The following R3HDM2 variants were observed in gnomAD, a reference collection of about 807,000 sequenced individuals.
R3HDM2 encodes R3H domain-containing protein 2.
Under a neutral mutation model 124.5 loss-of-function variants are expected in R3HDM2, and 38 were observed. That is an observed-to-expected ratio of 0.31 (90% CI 0.24 to 0.40). The LOEUF (loss-of-function observed/expected upper bound fraction) is 0.40. Among genes scored for constraint, R3HDM2 ranks in the 10% least tolerant of loss-of-function variants. The pLI is 1.00. For synonymous variants in R3HDM2, 391 were observed against 448.0 expected, an observed-to-expected ratio of 0.87 and a Z score of 1.61; for missense variants, 869 against 1,236.9, an observed-to-expected ratio of 0.70 and a Z score of 4.46.
At chr12:57,255,323 C>G (rs1212228720) in intron 23 of R3HDM2, among the ~76,000 whole-genome samples, 2 of 152,210 alleles carry the variant, frequency 1.3e-5, no homozygotes, top group Non-Finnish European at 1.5e-5. Flanking sequence ...TTTCTATTCT[C>G]CTAGCCCAGA....
chr12:57,414,593 G>T (rs2069382542), intron 1 of R3HDM2, among the ~76,000 whole-genome samples: 1 of 151,098 alleles, frequency 6.6e-6, no homozygotes, highest in Non-Finnish European at 1.5e-5. Flanking sequence ...CACTTTGGGA[G>T]GCCGAGGCAG....
intron 2 of R3HDM2, among the ~76,000 whole-genome samples, chr12:57,395,010 C>A (rs1753247521): frequency 6.6e-6 from 1 of 151,666 alleles, no homozygotes; most frequent in Admixed American, 6.6e-5. Flanking sequence ...GAGTTCAAGA[C>A]CAGCCTGGCC....
intron 2 of R3HDM2, among the ~76,000 whole-genome samples, chr12:57,384,880 C>T (rs999638572): frequency 2.0e-5 from 3 of 151,950 alleles, no homozygotes; most frequent in Non-Finnish European, 4.4e-5. Flanking sequence ...CAGGCGTGGT[C>T]GCTCACACGT....
In R3HDM2 at chr12:57,280,362, G is replaced by A; in HGVS notation, c.1340C>T (p.Ser447Leu). 6.2e-7 allele frequency: 1 copy of A among 1,613,048 alleles called. No homozygotes were observed. The highest frequency in any genetic ancestry group is 8.5e-7 in the Non-Finnish European group (1 of 1,179,374). The change falls in exon 14 of 24, where the codon TCA becomes TTA. Residue 447 changes from serine to leucine, a missense_variant. By Grantham distance (145) the Ser-to-Leu change is moderately radical. This residue lies in a region of R3HDM2 where 602 missense variants were observed against 789.2 expected (regional missense o/e 0.76). Coordinates refer to ENST00000402412, the MANE Select transcript of R3HDM2 (RefSeq NM_001394031.1). ...TGACACTGAGTGGTGACTCACCTGTGAGATCATGTGATTATTCAAGGGTGG... is the reference window on the plus strand; with the variant it reads ...TGACACTGAGTGGTGACTCACCTGTAAGATCATGTGATTATTCAAGGGTGG... ...QQPPLNNHMI[S>L]QADDLSNPFG...
intron 2 of R3HDM2, among the ~76,000 whole-genome samples, chr12:57,340,954 A>C (rs1006669672): frequency 7.2e-5 from 11 of 152,140 alleles, no homozygotes; most frequent in African/African-American, 2.4e-4. Flanking sequence ...TATATATAAC[A>C]ATTTCTTCCT....
At chr12:57,360,210 T>A (rs202197482) in intron 2 of R3HDM2, among the ~76,000 whole-genome samples, 1 of 151,380 alleles carries the variant, frequency 6.6e-6, no homozygotes, top group African/African-American at 2.4e-5. Context: ...GAATTTTTAG[T>A]AGAGACAGGG....
chr12:57,268,232 C>CAA, intron 18 of R3HDM2, 71 bp downstream of exon 18: 1 of 1,539,316 alleles, frequency 6.5e-7, no homozygotes, highest in African/African-American at 1.4e-5. Context: ...CCAGTGGAAA[C>CAA]AAAACCATGA....
intron 19 of R3HDM2, among the ~76,000 whole-genome samples, chr12:57,262,218 A>G (rs995114573): frequency 2.6e-5 from 4 of 152,148 alleles, no homozygotes; most frequent in Non-Finnish European, 5.9e-5. Flanking sequence ...GGATATCTTC[A>G]CTAAATGGAA....
At chr12:57,429,673 A>G (rs1290460512) in intron 1 of R3HDM2, among the ~76,000 whole-genome samples, 3 of 149,870 alleles carry the variant, frequency 2.0e-5, no homozygotes, top group Non-Finnish European at 2.9e-5. Flanking sequence ...AAAAGGAACC[A>G]CTACACTCCA....
intron 2 of R3HDM2, among the ~76,000 whole-genome samples, chr12:57,385,943 T>A: frequency 6.6e-6 from 1 of 152,146 alleles, no homozygotes; most frequent in Admixed American, 6.5e-5. Flanking sequence ...AGAAGATATA[T>A]GAAATGGAAT....
At chr12:57,344,444 T>C (rs1390414190) in intron 2 of R3HDM2, among the ~76,000 whole-genome samples, 1 of 152,204 alleles carries the variant, frequency 6.6e-6, no homozygotes, top group Non-Finnish European at 1.5e-5. Context: ...CAATCTAAAA[T>C]TTCCCAGCAT....
Position 57,310,479 on chromosome 12 carries a change from A to G in R3HDM2, c.-35-16T>C, listed in dbSNP as rs2053668381. 5.8e-6 allele frequency: 8 copies of G among 1,372,094 alleles called. No homozygotes were observed. Among genetic ancestry groups the G allele is most frequent in the Non-Finnish European group, 6.7e-6 (7 of 1,044,334 alleles). 85.0% of individuals were successfully genotyped at this position (1,372,094 alleles called of 1,614,324 possible). On this transcript the variant is annotated splice_polypyrimidine_tract_variant and intron_variant, in intron 2 of 23. Coordinates refer to ENST00000402412, the MANE Select transcript of R3HDM2 (RefSeq NM_001394031.1). ...CTATGGACTCCTAAAGAAACATCAA[A>G]TGCATTAAGCAGGAGGTATGTATCC...
intron 12 of R3HDM2, among the ~76,000 whole-genome samples, chr12:57,288,132 C>T (rs1174956680): frequency 6.6e-6 from 1 of 151,288 alleles, no homozygotes; most frequent in East Asian, 1.9e-4. Context: ...CAATTCTCTG[C>T]CTCAGCCTCC....
intron 2 of R3HDM2, among the ~76,000 whole-genome samples, chr12:57,389,001 ATAATACTTTTTTTCTTATCAGGGTTAC>A (rs1426355896): frequency 6.6e-6 from 1 of 152,176 alleles, no homozygotes; most frequent in Non-Finnish European, 1.5e-5. Context: ...CCTTTCTCAT[ATAATACTTTTTTTCTTATCAGGGTTAC>A]TAATAAACAA....
At chr12:57,366,692 T>C (rs1359820497) in intron 2 of R3HDM2, among the ~76,000 whole-genome samples, 1 of 152,018 alleles carries the variant, frequency 6.6e-6, no homozygotes, top group East Asian at 1.9e-4. Flanking sequence ...TTTGCTGTTG[T>C]TGTTTTGTTT....
chr12:57,279,534 G>A, intron 14 of R3HDM2, among the ~76,000 whole-genome samples: 1 of 150,612 alleles, frequency 6.6e-6, no homozygotes. Flanking sequence ...CAGGCATGGT[G>A]GCTCATGCCT....
intron 14 of R3HDM2, among the ~76,000 whole-genome samples, chr12:57,274,402 A>T (rs2044235781): frequency 6.6e-6 from 1 of 152,152 alleles, no homozygotes; most frequent in South Asian, 2.1e-4. Flanking sequence ...TGAACCTGGG[A>T]GGCAGAGGTT....
At position 57,254,584 on chromosome 12, in the gene R3HDM2, A is replaced by G. The variant is rs967818763; in HGVS notation, c.*189T>C. 20 of 551,242 alleles carry G rather than the reference A, an allele frequency of 3.6e-5. No individual in the cohort carries two copies. Among genetic ancestry groups the G allele is most frequent in the Admixed American group, 1.5e-4 (4 of 27,210 alleles). 34.1% of individuals were successfully genotyped at this position (551,242 alleles called of 1,614,324 possible). A position where few individuals can be genotyped will look rare whatever the true frequency, so the allele number is the denominator to read the frequency against. On this transcript the variant is annotated 3_prime_UTR_variant, in exon 24 of 24. Transcript: ENST00000402412. ...TCAACCAGGGAAAAAGAGAGGACCC[A>G]TGGCAGGGGAGCAAGAAGGAGTCCA...
chr12:57,317,633 TAAA>T (rs148795067), intron 2 of R3HDM2, among the ~76,000 whole-genome samples: 3 of 100,566 alleles, frequency 3.0e-5, no homozygotes, highest in Non-Finnish European at 1.9e-5. Context: ...GGGAGATAGT[TAAA>T]AAAAAAAAAA....
Sources: allele counts gnomAD v4.1 joint callset (sites outside exome capture counted in the v4.1 genomes callset), GRCh38; gene constraint gnomAD v4.1.1; regional missense constraint gnomAD v4.1.1; transcripts MANE v1.5; gene names NCBI Gene and HGNC (gene_info 2026-07-23, HGNC 2026-07-21).